The following NPAS3 variants were observed in gnomAD, a reference collection of about 807,000 sequenced individuals.
NPAS3 encodes the protein neuronal PAS domain protein 3.
A neutral mutation model predicts 73.1 loss-of-function variants in NPAS3; 14 were observed. The observed-to-expected ratio is 0.19, with a 90% CI of 0.13 to 0.30. The LOEUF is 0.30. Among genes scored for constraint, NPAS3 ranks in the 10% least tolerant of loss-of-function variants. The probability of loss-of-function intolerance (pLI) is 1.00; values close to 1 mark genes in which losing one functional copy is unlikely to be tolerated. For synonymous variants in NPAS3, 620 were observed against 541.5 expected (o/e 1.14, Z -2.01); for missense variants, 1,096 against 1,250.0 (o/e 0.88, Z 1.86).
At chr14:33,744,200 G>A (rs576912830) in intron 7 of NPAS3, among the ~76,000 whole-genome samples, 2 of 152,202 alleles carry the variant, frequency 1.3e-5, no homozygotes, top group South Asian at 4.1e-4. Flanking sequence ...ATCATTTCTA[G>A]CTTTTGATTT....
intron 5 of NPAS3, among the ~76,000 whole-genome samples, chr14:33,585,494 G>C (rs1202890789): frequency 1.3e-5 from 2 of 152,118 alleles, no homozygotes; most frequent in African/African-American, 4.8e-5. Context: ...GGGCAAATAT[G>C]TAAAACTAAG....
At chr14:32,962,955 T>C (rs149716838) in intron 1 of NPAS3, among the ~76,000 whole-genome samples, 227 of 150,866 alleles carry the variant, frequency 1.5e-3, no homozygotes, top group Middle Eastern at 0.014. Context: ...GTTCAAGTGA[T>C]CCTTTTGCCT....
chr14:33,405,166 G>C (rs1306011589), intron 4 of NPAS3, among the ~76,000 whole-genome samples: 1 of 152,026 alleles, frequency 6.6e-6, no homozygotes, highest in Non-Finnish European at 1.5e-5. Flanking sequence ...TGTTGCTGCA[G>C]CTCTCTGTCT....
intron 2 of NPAS3, among the ~76,000 whole-genome samples, chr14:33,066,970 T>C (rs1434316583): frequency 6.6e-6 from 1 of 152,190 alleles, no homozygotes; most frequent in African/African-American, 2.4e-5. Flanking sequence ...TCAAGCATTA[T>C]TGTAATTGAC....
At chr14:33,177,246 G>A (rs1020956530) in intron 2 of NPAS3, among the ~76,000 whole-genome samples, 2 of 151,708 alleles carry the variant, frequency 1.3e-5, no homozygotes, top group African/African-American at 2.4e-5. Flanking sequence ...ACAGATGCCT[G>A]CCACCATGTC....
intron 3 of NPAS3, among the ~76,000 whole-genome samples, chr14:33,304,742 TA>T (rs1416307414): frequency 2.6e-5 from 4 of 152,188 alleles, no homozygotes; most frequent in Non-Finnish European, 4.4e-5. Flanking sequence ...AAGCTATGAA[TA>T]CTCTAAAATT....
At chr14:33,154,721 T>G (rs1311833434) in intron 2 of NPAS3, among the ~76,000 whole-genome samples, 1 of 152,232 alleles carries the variant, frequency 6.6e-6, no homozygotes, top group African/African-American at 2.4e-5. Context: ...GCCACTGGCT[T>G]CTTATTCTGC....
At chr14:33,613,693 C>G (rs928810608) in intron 5 of NPAS3, among the ~76,000 whole-genome samples, 1 of 152,184 alleles carries the variant, frequency 6.6e-6, no homozygotes, top group Non-Finnish European at 1.5e-5. Context: ...CCTTCGCACC[C>G]TCCTCCCTGA....
At chr14:33,321,923 A>G (rs1303861197) in intron 3 of NPAS3, among the ~76,000 whole-genome samples, 1 of 152,162 alleles carries the variant, frequency 6.6e-6, no homozygotes, top group Non-Finnish European at 1.5e-5. Flanking sequence ...GAGAAACAGA[A>G]AGGATTTAGA....
At chr14:33,219,349 T>G (rs2047339287) in intron 3 of NPAS3, among the ~76,000 whole-genome samples, 1 of 152,258 alleles carries the variant, frequency 6.6e-6, no homozygotes, top group Admixed American at 6.5e-5. Context: ...TGTCGTCTGC[T>G]GCAACTCTAT....
At chr14:33,258,915 G>A (rs988296425) in intron 3 of NPAS3, among the ~76,000 whole-genome samples, 7 of 152,120 alleles carry the variant, frequency 4.6e-5, no homozygotes, top group East Asian at 1.9e-4. Flanking sequence ...CCGGGTTCAC[G>A]CCATCCTCCT....
intron 3 of NPAS3, among the ~76,000 whole-genome samples, chr14:33,249,129 A>G (rs945124965): frequency 1.3e-5 from 2 of 152,172 alleles, no homozygotes; most frequent in Non-Finnish European, 2.9e-5. Context: ...ATCTTTATAG[A>G]GACTGTTAAA....
intron 2 of NPAS3, among the ~76,000 whole-genome samples, chr14:33,120,012 G>GT (rs141635410): frequency 3.5e-4 from 52 of 149,918 alleles, no homozygotes; most frequent in East Asian, 3.4e-3. Flanking sequence ...CAGATACTTT[G>GT]TTTTTTTTTT....
intron 4 of NPAS3, among the ~76,000 whole-genome samples, chr14:33,423,771 A>G (rs544485197): frequency 6.6e-6 from 1 of 152,070 alleles, no homozygotes; most frequent in African/African-American, 2.4e-5. Flanking sequence ...AGAGAAGGGT[A>G]CTATGGAAGT....
intron 3 of NPAS3, among the ~76,000 whole-genome samples, chr14:33,321,148 C>CA (rs140950282): frequency 0.04 from 6,119 of 152,204 alleles, 144 homozygotes; most frequent in Non-Finnish European, 0.061. Flanking sequence ...TACCAGACAT[C>CA]AGTCTTCATG....
chr14:33,053,298 T>C (rs569534719), intron 1 of NPAS3, among the ~76,000 whole-genome samples: 11 of 152,332 alleles, frequency 7.2e-5, no homozygotes, highest in African/African-American at 2.6e-4. Context: ...TAACCATCTC[T>C]TTCCTCCTTT....
At chr14:33,385,802 G>A (rs1048516498) in intron 4 of NPAS3, among the ~76,000 whole-genome samples, 9 of 152,192 alleles carry the variant, frequency 5.9e-5, no homozygotes, top group Non-Finnish European at 7.3e-5. Flanking sequence ...ACTAGTCAGC[G>A]TCCAAATTGA....
At chr14:32,967,678 CAAAA>C (rs1399054843) in intron 1 of NPAS3, among the ~76,000 whole-genome samples, 1 of 150,592 alleles carries the variant, frequency 6.6e-6, no homozygotes, top group Admixed American at 6.6e-5. Context: ...ATCAAAAAGA[CAAAA>C]AATAACAAAT....
chr14:33,224,202 T>C (rs2047538264), intron 3 of NPAS3, among the ~76,000 whole-genome samples: 1 of 152,228 alleles, frequency 6.6e-6, no homozygotes, highest in African/African-American at 2.4e-5. Context: ...TGGAATTCTT[T>C]AACGTGTTTT....
Sources: gnomAD v4.1 joint callset for allele counts (sites outside exome capture counted in the v4.1 genomes callset) on GRCh38, gnomAD v4.1.1 for gene constraint, MANE v1.5 for transcripts, NCBI Gene and HGNC (gene_info 2026-07-23, HGNC 2026-07-21) for gene names.